ANXA8: variants seen among roughly 807,000 people sequenced by gnomAD.
ANXA8 encodes the protein VAC-beta.
Under a neutral mutation model 26.8 loss-of-function variants are expected in ANXA8, and 9 were observed. The observed-to-expected ratio is 0.34, with a 90% CI of 0.20 to 0.59. The LOEUF (loss-of-function observed/expected upper bound fraction) is 0.59. Among genes scored for constraint, ANXA8 ranks in the 20% least tolerant of loss-of-function variants. ANXA8 has a pLI of 0.84. For missense variants in ANXA8, 83 were observed against 238.5 expected, an observed-to-expected ratio of 0.35 and a Z score of 4.29; for synonymous variants, 39 against 94.8, an observed-to-expected ratio of 0.41 and a Z score of 3.42.
At chr10:47,905,126 G>GT in the ANXA8 span, among the ~76,000 whole-genome samples, 110 of 150,608 alleles carry the variant, frequency 7.3e-4, 2 homozygotes, top group African/African-American at 2.4e-3. Flanking sequence ...GGAAAATCGA[G>GT]TTTTTTTCCC....
In ANXA8 at chr10:47,474,482, AT is replaced by A. The variant is rs1416692187; in HGVS notation, c.553-85del. 5.3e-6 allele frequency: 5 copies of A among 945,996 alleles called. No individual in the cohort carries two copies. In the African/African-American group the frequency reaches 7.7e-5, roughly 15 times the overall value. The allele number at this position is 945,996 out of a possible 1,614,324, so 58.6% of individuals were successfully genotyped here. On this transcript the variant is annotated intron_variant, in intron 7 of 11. Coordinates refer to ENST00000585281, the MANE Select transcript of ANXA8 (RefSeq NM_001040084.3). ...GCCCCAGAGTCCCAGAGCTGTGGCC[AT>A]GGCCTGGCCCTGTCCACTCTGCCAG... is the stretch of plus-strand genomic sequence containing the variant.
the ANXA8 span, among the ~76,000 whole-genome samples, chr10:47,591,151 A>C: frequency 6.9e-6 from 1 of 145,498 alleles, no homozygotes; most frequent in Non-Finnish European, 1.5e-5. Context: ...TGCAGTTGTG[A>C]AGGATTTAGG....
At chr10:47,671,420 T>C in the ANXA8 span, among the ~76,000 whole-genome samples, 7,413 of 149,664 alleles carry the variant, frequency 0.05, 223 homozygotes, top group African/African-American at 0.18. Context: ...AGACCCTGTC[T>C]CAAAAACAAA....
the ANXA8 span, among the ~76,000 whole-genome samples, chr10:47,704,647 TACAA>T: frequency 3.3e-5 from 5 of 151,752 alleles, no homozygotes; most frequent in Admixed American, 1.3e-4. Context: ...CTCTGAAAAC[TACAA>T]ACAAATTATC....
chr10:47,729,636 C>T, the ANXA8 span, among the ~76,000 whole-genome samples: 3 of 151,534 alleles, frequency 2.0e-5, no homozygotes, highest in Admixed American at 1.3e-4. Context: ...GTGATAAGAA[C>T]TGTGGATGGA....
chr10:47,644,226 A>G, the ANXA8 span, among the ~76,000 whole-genome samples: 3 of 148,252 alleles, frequency 2.0e-5, no homozygotes, highest in African/African-American at 7.9e-5. Context: ...CTGGAGAAAA[A>G]CATAGCTCTC....
chr10:47,749,879 AC>A, the ANXA8 span, among the ~76,000 whole-genome samples: 1 of 150,576 alleles, frequency 6.6e-6, no homozygotes, highest in Non-Finnish European at 1.5e-5. Flanking sequence ...TATTCAAGAG[AC>A]ATGACATCAT....
chr10:47,668,151 T>C, the ANXA8 span, among the ~76,000 whole-genome samples: 1 of 150,662 alleles, frequency 6.6e-6, no homozygotes, highest in Non-Finnish European at 1.5e-5. Context: ...CCCCATTGCA[T>C]AGATGCTGAA....
At chr10:47,753,114 A>C in the ANXA8 span, 2 of 980,400 alleles carry the variant, frequency 2.0e-6, no homozygotes, top group Admixed American at 6.2e-5. Flanking sequence ...GTCTCAAAAA[A>C]TTAAAATAAA....
At chr10:47,580,213 C>T in the ANXA8 span, among the ~76,000 whole-genome samples, 1 of 152,148 alleles carries the variant, frequency 6.6e-6, no homozygotes, top group African/African-American at 2.4e-5. Flanking sequence ...ACCTACTGCG[C>T]CCAGTCAACA....
the ANXA8 span, among the ~76,000 whole-genome samples, chr10:47,743,812 C>G: frequency 3.4e-5 from 5 of 149,170 alleles, no homozygotes; most frequent in Non-Finnish European, 5.9e-5. Flanking sequence ...ACCTGTTAAT[C>G]ACGTCCCCAC....
chr10:47,666,132 C>T, the ANXA8 span, among the ~76,000 whole-genome samples: 13 of 148,698 alleles, frequency 8.7e-5, no homozygotes, highest in African/African-American at 3.0e-4. Context: ...GTTGTTTTTC[C>T]TATTTCTCTT....
chr10:47,959,761 G>T, the ANXA8 span, among the ~76,000 whole-genome samples: 1 of 149,968 alleles, frequency 6.7e-6, no homozygotes, highest in Admixed American at 6.6e-5. Flanking sequence ...GAGAGGTGGG[G>T]TCTCTGTCCC....
the ANXA8 span, among the ~76,000 whole-genome samples, chr10:47,980,375 G>T: frequency 6.6e-6 from 1 of 151,202 alleles, no homozygotes; most frequent in Non-Finnish European, 1.5e-5. Flanking sequence ...AAAAGGAAGC[G>T]CAAACTAAGC....
the ANXA8 span, among the ~76,000 whole-genome samples, chr10:47,674,699 T>G: frequency 6.6e-6 from 1 of 151,788 alleles, no homozygotes; most frequent in Admixed American, 6.6e-5. Flanking sequence ...CATGGAAGAT[T>G]TGTCTCTTCT....
chr10:47,974,448 G>A, the ANXA8 span, among the ~76,000 whole-genome samples: 1 of 147,088 alleles, frequency 6.8e-6, no homozygotes, highest in Non-Finnish European at 1.5e-5. Context: ...CTTTGGGGTT[G>A]GTTTGCTCTT....
chr10:47,691,221 T>G, the ANXA8 span: 165 of 1,478,848 alleles, frequency 1.1e-4, 2 homozygotes, highest in Middle Eastern at 4.8e-4. Flanking sequence ...GATATAATTT[T>G]ACTCACGGGT....
chr10:47,701,407 C>T, the ANXA8 span, among the ~76,000 whole-genome samples: 1 of 151,860 alleles, frequency 6.6e-6, no homozygotes, highest in African/African-American at 2.4e-5. Flanking sequence ...TATGAAAATA[C>T]ATATCACAAG....
chr10:47,644,951 C>T, the ANXA8 span, among the ~76,000 whole-genome samples: 1 of 151,720 alleles, frequency 6.6e-6, no homozygotes, highest in Non-Finnish European at 1.5e-5. Flanking sequence ...ATCCATATTG[C>T]TCCTTCTTGT....
Sources: allele counts gnomAD v4.1 joint callset (sites outside exome capture counted in the v4.1 genomes callset), GRCh38; gene constraint gnomAD v4.1.1; transcripts MANE v1.5; gene names NCBI Gene and HGNC (gene_info 2026-07-23, HGNC 2026-07-21).